The following FMNL3 variants were observed in gnomAD, a reference collection of about 807,000 sequenced individuals.
FMNL3 encodes formin like 3, also known as formin-like protein 3.
In FMNL3, 57 loss-of-function variants were observed where a neutral mutation model predicts 119.6. The observed-to-expected ratio is 0.48, with a 90% confidence interval of 0.39 to 0.59. FMNL3 has a LOEUF of 0.59. Ranked by LOEUF, FMNL3 falls within the 20% of genes least tolerant of loss-of-function variation. The pLI, the probability that FMNL3 is intolerant of heterozygous loss-of-function variation, is 0.00. For missense variants in FMNL3, 1,053 were observed against 1,323.5 expected, an observed-to-expected ratio of 0.80 and a Z score of 3.17; for synonymous variants, 491 against 507.3, an observed-to-expected ratio of 0.97 and a Z score of 0.43.
At chr12:49,683,984 C>A (rs1018825412) in intron 1 of FMNL3, among the ~76,000 whole-genome samples, 1 of 152,190 alleles carries the variant, frequency 6.6e-6, no homozygotes, top group Admixed American at 6.5e-5. Flanking sequence ...CTTCTCTGGG[C>A]AATATTCCCC....
intron 1 of FMNL3, among the ~76,000 whole-genome samples, chr12:49,681,616 G>A (rs943155305): frequency 4.6e-5 from 7 of 152,160 alleles, no homozygotes; most frequent in African/African-American, 1.4e-4. Context: ...GGAGTGCAGC[G>A]GTGCGATCAT....
intron 1 of FMNL3, among the ~76,000 whole-genome samples, chr12:49,697,338 C>G (rs921716293): frequency 6.6e-6 from 1 of 152,136 alleles, no homozygotes; most frequent in African/African-American, 2.4e-5. Flanking sequence ...AAGAAAGCAC[C>G]ACACACCATG....
chr12:49,706,927 G>A (rs986096448), intron 1 of FMNL3, 128 bp downstream of exon 1: 10 of 1,138,818 alleles, frequency 8.8e-6, no homozygotes, highest in Non-Finnish European at 1.2e-5. Flanking sequence ...GAAGACACTG[G>A]AGGCCGGGAT....
Position 49,640,437 on chromosome 12 carries a change from G to C in FMNL3, c.*5378C>G, listed in dbSNP as rs527632250. 6.6e-6 allele frequency: 1 copy of C among 152,322 alleles called. No homozygotes were observed. The highest frequency in any genetic ancestry group is 2.1e-4 in the South Asian group (1 of 4,814). The allele number at this position is 152,322 out of a possible 1,614,324, so 9.4% of individuals were successfully genotyped here. On this transcript the variant is annotated 3_prime_UTR_variant, in exon 26 of 26. Coordinates refer to ENST00000335154, the MANE Select transcript of FMNL3 (RefSeq NM_175736.5). Reference sequence around the variant, plus strand: ...TCAGAGAGGGTGTGACCTGGAGAGGGGAGTGTTGAAGAAGTAAGTGGTAGA... The same window carrying C: ...TCAGAGAGGGTGTGACCTGGAGAGGCGAGTGTTGAAGAAGTAAGTGGTAGA...
intron 1 of FMNL3, among the ~76,000 whole-genome samples, chr12:49,700,280 T>C (rs1944867242): frequency 6.7e-6 from 1 of 148,684 alleles, no homozygotes; most frequent in South Asian, 2.1e-4. Flanking sequence ...TAGTCCCAGC[T>C]ACTCGGGAAG....
chr12:49,636,943 G>C lies in FMNL3; in HGVS notation c.*8872C>G, dbSNP rs1025037127. The C allele has an allele frequency of 6.4e-6, 10 of 1,570,292 alleles. No homozygotes were observed. In the Admixed American group the frequency reaches 1.7e-4, roughly 27 times the overall value. ...CTGCCCCCTTCTGGATACGCTGCCT[G>C]TTCTTTCTGTGCCTAGCCCTGTCCA... On this transcript the variant is annotated 3_prime_UTR_variant, in exon 26 of 26. Transcript: ENST00000335154.
At chr12:49,648,520 G>A (rs529518423) in intron 21 of FMNL3, among the ~76,000 whole-genome samples, 167 bp from the exon 22 acceptor site, 42 of 151,908 alleles carry the variant, frequency 2.8e-4, no homozygotes, top group African/African-American at 9.5e-4. Flanking sequence ...TCCCTCACAG[G>A]GGGAGGGAAT....
intron 1 of FMNL3, among the ~76,000 whole-genome samples, chr12:49,693,622 G>GCCT (rs1406599170): frequency 8.1e-6 from 1 of 124,032 alleles, no homozygotes; most frequent in Non-Finnish European, 1.6e-5. Flanking sequence ...ACCCGCCTCA[G>GCCT]CCTCCCAATC....
At chr12:49,656,691 A>AGC in intron 8 of FMNL3, 132 bp downstream of exon 8, 2 of 981,006 alleles carry the variant, frequency 2.0e-6, no homozygotes, top group South Asian at 3.0e-5. Context: ...CTTCTCTTCC[A>AGC]GCAGAGGAGG....
chr12:49,702,533 C>T (rs1386053755), intron 1 of FMNL3, among the ~76,000 whole-genome samples: 2 of 152,096 alleles, frequency 1.3e-5, no homozygotes, highest in Admixed American at 6.6e-5. Context: ...ATAAGTATTA[C>T]TTTAAGAGGA....
chr12:49,707,214 C>T lies in FMNL3; in HGVS notation c.-34G>A. ...GGCCCCCTCAGGGGCCTCGGCCCCC[C>T]ACCTCCACGCTCCGGAGCTTTCGGC... On this transcript the variant is annotated 5_prime_UTR_variant, in exon 1 of 26. Transcript: ENST00000335154. 1 of 1,470,986 alleles carries T rather than the reference C, an allele frequency of 6.8e-7. No homozygotes were observed. Among genetic ancestry groups the T allele is most frequent in the Non-Finnish European group, 9.0e-7 (1 of 1,117,068 alleles). 91.1% of individuals were successfully genotyped at this position (1,470,986 alleles called of 1,614,324 possible). A position where few individuals can be genotyped will look rare whatever the true frequency, so the allele number is the denominator to read the frequency against.
At position 49,707,391 on chromosome 12, in the gene FMNL3, A is replaced by C. The variant is rs1200757050; in HGVS notation, c.-211T>G. The C allele has an allele frequency of 7.8e-6, 3 of 383,040 alleles. No homozygotes were observed. Among genetic ancestry groups the C allele is most frequent in the Non-Finnish European group, 1.4e-5 (3 of 218,808 alleles). 23.7% of individuals were successfully genotyped at this position (383,040 alleles called of 1,614,324 possible). A position where few individuals can be genotyped will look rare whatever the true frequency, so the allele number is the denominator to read the frequency against. On this transcript the variant is annotated 5_prime_UTR_variant, in exon 1 of 26. Transcript: ENST00000335154. ...GCGTAGCGGACAGCCGCACCGAAGC[A>C]AGGCGGACGGAGGCGGCCGGCTCTT...
chr12:49,652,194 T>C lies in FMNL3; in HGVS notation c.1342A>G (p.Ser448Gly). The part of the protein sequence containing the change: ...ESIKETYENT[S>G]HQVHTLRRLI... ...CTCCGCAGGGTGTGCACCTGGTGGC[T>C]TGTGTTCTCATATGTCTCCTGGCAG... Residue 448 changes from serine (S) to glycine (G), a missense_variant, in exon 14 of 26, where the codon AGC becomes GGC. Physicochemically the swap from Ser to Gly is moderately conservative, Grantham distance 56. Transcript: ENST00000335154. 1.2e-6 allele frequency: 2 copies of C among 1,612,816 alleles called. No individual in the cohort carries two copies. The highest frequency in any genetic ancestry group is 1.7e-6 in the Non-Finnish European group (2 of 1,179,656).
intron 1 of FMNL3, among the ~76,000 whole-genome samples, chr12:49,706,813 C>G (rs1945060894): frequency 6.6e-6 from 1 of 152,186 alleles, no homozygotes; most frequent in Non-Finnish European, 1.5e-5. Flanking sequence ...CTAGGACGGT[C>G]CCGAACTGGG....
At chr12:49,702,847 A>G (rs1944946426) in intron 1 of FMNL3, among the ~76,000 whole-genome samples, 1 of 152,260 alleles carries the variant, frequency 6.6e-6, no homozygotes, top group African/African-American at 2.4e-5. Context: ...GAGGGCTGGG[A>G]AAAAAATTTC....
intron 17 of FMNL3, 118 bp downstream of exon 17, chr12:49,650,558 A>G: frequency 8.9e-7 from 1 of 1,129,064 alleles, no homozygotes; most frequent in Non-Finnish European, 1.3e-6. Context: ...GTGGATGACT[A>G]GGGGGATGTG....
intron 1 of FMNL3, among the ~76,000 whole-genome samples, chr12:49,682,016 C>A (rs990453304): frequency 6.6e-6 from 1 of 151,518 alleles, no homozygotes; most frequent in Admixed American, 6.6e-5. Flanking sequence ...CCAGGAGTCA[C>A]ATTTGACTCA....
In FMNL3 at chr12:49,643,099, TC is replaced by T; in HGVS notation, c.*2715del. 1 of 1,587,310 alleles carries T rather than the reference TC, an allele frequency of 6.3e-7. No individual in the cohort carries two copies. The highest frequency in any genetic ancestry group is 8.6e-7 in the Non-Finnish European group (1 of 1,158,348). On this transcript the variant is annotated 3_prime_UTR_variant, in exon 26 of 26. Coordinates refer to ENST00000335154, the MANE Select transcript of FMNL3 (RefSeq NM_175736.5). ...CACTTTGTTTTCCCCTTACAATATC[TC>T]CCTTGGAGGGAAGTTTGAGGATTCC...
At chr12:49,674,291 T>G (rs554105153) in intron 1 of FMNL3, among the ~76,000 whole-genome samples, 165 of 152,264 alleles carry the variant, frequency 1.1e-3, no homozygotes, top group African/African-American at 3.7e-3. Context: ...CACAGAACAG[T>G]CAATAACACT....
Sources: gnomAD v4.1 joint callset for allele counts (sites outside exome capture counted in the v4.1 genomes callset) on GRCh38, gnomAD v4.1.1 for gene constraint, MANE v1.5 for transcripts, NCBI Gene and HGNC (gene_info 2026-07-23, HGNC 2026-07-21) for gene names.